Variants in MYO16 observed in about 807,000 individuals in gnomAD.
MYO16 encodes the protein myosin XVI.
Under a neutral mutation model 205.3 loss-of-function variants are expected in MYO16, and 94 were observed. That is an observed-to-expected ratio of 0.46 (90% CI 0.39 to 0.54). MYO16 has a LOEUF of 0.54. Ranked by LOEUF, MYO16 falls within the 20% of genes least tolerant of loss-of-function variation. The pLI is 0.00. For missense variants in MYO16, 2,315 were observed against 2,387.5 expected, an observed-to-expected ratio of 0.97 and a Z score of 0.63; for synonymous variants, 988 against 954.0, an observed-to-expected ratio of 1.04 and a Z score of -0.66.
the MYO16 span, among the ~76,000 whole-genome samples, chr13:108,553,034 T>C: frequency 2.9e-5 from 2 of 67,904 alleles, no homozygotes; most frequent in East Asian, 1.3e-3. Context: ...TTTTTTTTTT[T>C]TTGAGACAGA....
At chr13:108,786,552 G>A (rs549801061) in intron 5 of MYO16, among the ~76,000 whole-genome samples, 89 of 152,226 alleles carry the variant, frequency 5.8e-4, no homozygotes, top group African/African-American at 1.9e-3. Context: ...TACTCTTTTT[G>A]CCTCTAAGAA....
At chr13:108,972,447 A>AGGG (rs1473175514) in intron 20 of MYO16, among the ~76,000 whole-genome samples, 5 of 117,044 alleles carry the variant, frequency 4.3e-5, no homozygotes, top group Non-Finnish European at 6.8e-5. Flanking sequence ...TTTATGGGGA[A>AGGG]GGGGAGAGTT....
At chr13:109,068,700 T>C (rs1378823268) in intron 27 of MYO16, among the ~76,000 whole-genome samples, 3 of 151,872 alleles carry the variant, frequency 2.0e-5, no homozygotes, top group Non-Finnish European at 4.4e-5. Context: ...CAAGCTATTC[T>C]CCTGCCTCAG....
intron 28 of MYO16, among the ~76,000 whole-genome samples, chr13:109,116,766 CTATG>C: frequency 6.6e-6 from 1 of 152,308 alleles, no homozygotes; most frequent in Admixed American, 6.5e-5. Context: ...GTTCCCCAGC[CTATG>C]GCTGCACCTA....
chr13:108,885,481 T>C (rs1879825181), intron 13 of MYO16, among the ~76,000 whole-genome samples: 2 of 152,212 alleles, frequency 1.3e-5, no homozygotes. Flanking sequence ...CGTTCTAGAC[T>C]CAGGCAACCC....
At chr13:109,065,601 C>A in intron 27 of MYO16, 1 of 469,598 alleles carries the variant, frequency 2.1e-6, no homozygotes, top group Non-Finnish European at 4.1e-6. Flanking sequence ...TATATGGTCT[C>A]AGCCACCTTT....
intron 32 of MYO16, among the ~76,000 whole-genome samples, chr13:109,149,664 A>G (rs796340547): frequency 2.0e-5 from 3 of 152,198 alleles, no homozygotes; most frequent in African/African-American, 2.4e-5. Context: ...CCCATTGTCA[A>G]TGTCCCACCA....
At chr13:108,870,495 A>G (rs9521077) in intron 12 of MYO16, among the ~76,000 whole-genome samples, 17,737 of 152,162 alleles carry the variant, frequency 0.12, 1,353 homozygotes, top group Non-Finnish European at 0.17. Context: ...AGAATTCACA[A>G]CTGAAACCAT....
intron 2 of MYO16, among the ~76,000 whole-genome samples, chr13:108,697,616 T>A (rs868780448): frequency 3.3e-5 from 5 of 152,066 alleles, no homozygotes; most frequent in Middle Eastern, 6.3e-3. Context: ...AAAATAAGAG[T>A]ATTTTTAAGT....
At chr13:109,036,011 A>G (rs1886703467) in intron 23 of MYO16, among the ~76,000 whole-genome samples, 1 of 152,212 alleles carries the variant, frequency 6.6e-6, no homozygotes, top group Non-Finnish European at 1.5e-5. Flanking sequence ...TTTGACAGAC[A>G]CTAAAATTAT....
At chr13:108,681,952 G>A (rs958185744) in intron 2 of MYO16, among the ~76,000 whole-genome samples, 10 of 152,126 alleles carry the variant, frequency 6.6e-5, no homozygotes, top group Non-Finnish European at 1.2e-4. Flanking sequence ...CCAGGACAGC[G>A]GCATCCTCCT....
At chr13:108,742,207 T>C (rs1031597605) in intron 4 of MYO16, among the ~76,000 whole-genome samples, 1 of 152,104 alleles carries the variant, frequency 6.6e-6, no homozygotes, top group Non-Finnish European at 1.5e-5. Flanking sequence ...TTGGCCAGGC[T>C]GGTCTTGAAC....
chr13:108,732,424 G>A (rs1225076098), intron 4 of MYO16, among the ~76,000 whole-genome samples: 1 of 152,204 alleles, frequency 6.6e-6, no homozygotes, highest in African/African-American at 2.4e-5. Flanking sequence ...TATTAAGGAT[G>A]GCTTCATGAA....
At chr13:108,799,874 G>A (rs1229952709) in intron 6 of MYO16, among the ~76,000 whole-genome samples, 1 of 152,192 alleles carries the variant, frequency 6.6e-6, no homozygotes, top group Non-Finnish European at 1.5e-5. Context: ...AGAGGAAGAA[G>A]AAGGGAGGAG....
intron 24 of MYO16, among the ~76,000 whole-genome samples, chr13:109,051,284 T>C (rs76060424): frequency 0.024 from 3,583 of 152,204 alleles, 49 homozygotes; most frequent in Non-Finnish European, 0.036. Flanking sequence ...ATGGAAAGCA[T>C]TACAGATATA....
At chr13:108,869,453 G>A (rs576796926) in intron 12 of MYO16, among the ~76,000 whole-genome samples, 174 of 151,762 alleles carry the variant, frequency 1.1e-3, no homozygotes, top group African/African-American at 3.1e-3. Flanking sequence ...GGCCGGGCGC[G>A]GTGGCTCACT....
At chr13:109,006,888 A>G (rs778906262) in intron 21 of MYO16, among the ~76,000 whole-genome samples, 5 of 152,140 alleles carry the variant, frequency 3.3e-5, no homozygotes, top group Non-Finnish European at 7.4e-5. Context: ...ACACTCCAAT[A>G]TGAGCAGGCC....
At chr13:108,866,766 G>T (rs539027211) in intron 12 of MYO16, among the ~76,000 whole-genome samples, 3 of 152,114 alleles carry the variant, frequency 2.0e-5, no homozygotes, top group Middle Eastern at 3.4e-3. Context: ...AGTAGAAATG[G>T]GTCAAAAATA....
intron 16 of MYO16, among the ~76,000 whole-genome samples, chr13:108,950,061 A>G (rs939645123): frequency 6.6e-6 from 1 of 152,224 alleles, no homozygotes; most frequent in African/African-American, 2.4e-5. Context: ...TCAGAGACCT[A>G]AATGTAAAGC....
Sources: allele counts gnomAD v4.1 joint callset (sites outside exome capture counted in the v4.1 genomes callset), GRCh38; gene constraint gnomAD v4.1.1; transcripts MANE v1.5; gene names NCBI Gene and HGNC (gene_info 2026-07-23, HGNC 2026-07-21).